The following N4BP2L2 variants were observed in gnomAD, a reference collection of about 807,000 sequenced individuals.
N4BP2L2 encodes the protein NEDD4-binding protein 2-like 2.
Under a neutral mutation model 56.2 loss-of-function variants are expected in N4BP2L2, and 50 were observed. The observed-to-expected ratio is 0.89, with a 90% CI of 0.71 to 1.13. The LOEUF is 1.13. Among genes scored for constraint, N4BP2L2 ranks in the 50% most tolerant of loss-of-function variants. The pLI, the probability that N4BP2L2 is intolerant of heterozygous loss-of-function variation, is 0.00. For missense variants in N4BP2L2, 689 were observed against 693.8 expected, an observed-to-expected ratio of 0.99 and a Z score of 0.08; for synonymous variants, 203 against 223.6, an observed-to-expected ratio of 0.91 and a Z score of 0.82.
chr13:32,499,350 T>C (rs964298949), intron 6 of N4BP2L2, among the ~76,000 whole-genome samples: 5 of 152,242 alleles, frequency 3.3e-5, no homozygotes, highest in African/African-American at 9.6e-5. Context: ...CCCTAGTAAC[T>C]ATGGCTTCCA....
chr13:32,455,296 G>C (rs779316127), intron 6 of N4BP2L2, among the ~76,000 whole-genome samples: 40 of 152,072 alleles, frequency 2.6e-4, no homozygotes, highest in Non-Finnish European at 5.0e-4. Flanking sequence ...TACCACACTG[G>C]GGAGGCTGCC....
At chr13:32,461,469 A>C (rs2080059902) in intron 6 of N4BP2L2, among the ~76,000 whole-genome samples, 1 of 152,234 alleles carries the variant, frequency 6.6e-6, no homozygotes, top group Non-Finnish European at 1.5e-5. Flanking sequence ...TGGGCAAAGG[A>C]TCTAAATAGA....
chr13:32,526,827 T>TTTTTTTTTTTTTC (rs2053062317), intron 3 of N4BP2L2: 1 of 138,410 alleles, frequency 7.2e-6, no homozygotes, highest in Non-Finnish European at 1.5e-5. Flanking sequence ...TGTTTTTTTT[T>TTTTTTTTTTTTTC]TTTTTTTTTT....
At chr13:32,532,551 T>C (rs1352898459) in intron 2 of N4BP2L2, among the ~76,000 whole-genome samples, 2 of 151,902 alleles carry the variant, frequency 1.3e-5, no homozygotes, top group Non-Finnish European at 2.9e-5. Flanking sequence ...TAAATTCTTT[T>C]ATATGTAGGT....
At chr13:32,526,313 T>C (rs2052750293) in intron 3 of N4BP2L2, among the ~76,000 whole-genome samples, 1 of 152,168 alleles carries the variant, frequency 6.6e-6, no homozygotes, top group African/African-American at 2.4e-5. Context: ...AAAATAACTG[T>C]GAAGAGATTT....
In N4BP2L2 at chr13:32,446,408, T is replaced by C. The variant is rs367636534; in HGVS notation, c.366-2282A>G. ...GCAGTCCAAGGTGCAATGTCAGTTA[T>C]GAAATTCATCCTGCAGACTAGTATG... On this transcript the variant is annotated intron_variant, in intron 6 of 9. Transcript: ENST00000357505. The C allele has an allele frequency of 3.2e-5, 43 of 1,363,934 alleles. No individual in the cohort carries two copies. In the African/African-American group the frequency reaches 6.2e-4, roughly 20 times the overall value. The allele number at this position is 1,363,934 out of a possible 1,614,324, so 84.5% of individuals were successfully genotyped here. A position where few individuals can be genotyped will look rare whatever the true frequency, so the allele number is the denominator to read the frequency against.
intron 3 of N4BP2L2, chr13:32,524,724 T>C (rs1279155627): frequency 6.6e-6 from 1 of 152,146 alleles, no homozygotes; most frequent in Non-Finnish European, 1.5e-5. Context: ...ATAATTCAAA[T>C]GACATAAACA....
rs35773755 is a variant in N4BP2L2, at chr13:32,503,172, C to CAAAAAAAAA, written c.365+14676_365+14684dup. Among the ~76,000 whole-genome samples, 18 of 57,988 alleles carry CAAAAAAAAA rather than the reference C, an allele frequency of 3.1e-4. 1 individual carries two copies. Among genetic ancestry groups the CAAAAAAAAA allele is most frequent in the African/African-American group, 9.2e-4 (15 of 16,344 alleles). The allele number at this position is 57,988 out of a possible 152,430, so 38.0% of individuals were successfully genotyped here. A position where few individuals can be genotyped will look rare whatever the true frequency, so the allele number is the denominator to read the frequency against. On this transcript the variant is annotated intron_variant, in intron 6 of 9. Transcript: ENST00000357505. Reference sequence around the variant, plus strand: ...TAGGTGACAGAGCAAGACTCTGTAGCAAAAAAAAAAAAAAAAAAAAAAAAA... The same window carrying CAAAAAAAAA: ...TAGGTGACAGAGCAAGACTCTGTAGCAAAAAAAAAAAAAAAAAAAAAAAAAAAAAAAAAA...
chr13:32,495,991 T>C (rs1335782250), intron 6 of N4BP2L2, among the ~76,000 whole-genome samples: 5 of 152,124 alleles, frequency 3.3e-5, no homozygotes, highest in Non-Finnish European at 7.4e-5. Context: ...CCGGTGCCTT[T>C]TGACTCCGAG....
intron 2 of N4BP2L2, 149 bp from the exon 3 acceptor site, chr13:32,527,681 G>C (rs550522946): frequency 3.8e-6 from 3 of 793,366 alleles, no homozygotes; most frequent in Non-Finnish European, 5.9e-6. Context: ...AGTATATCAC[G>C]AACAGACCAG....
intron 8 of N4BP2L2, among the ~76,000 whole-genome samples, chr13:32,437,385 G>T (rs1453629632): frequency 6.6e-6 from 1 of 152,168 alleles, no homozygotes; most frequent in Non-Finnish European, 1.5e-5. Flanking sequence ...CTACTGTCCT[G>T]AACTATTAGT....
rs1258381582 is a variant in N4BP2L2 at position 32,451,049 on chromosome 13, AC to A, written c.366-6924del. ...GATACTTAAAGGGATATTTGCATAAACATTCACATTAAAAAGGAAAGACACA... is the reference window on the plus strand; with the variant it reads ...GATACTTAAAGGGATATTTGCATAAAATTCACATTAAAAAGGAAAGACACA... On this transcript the variant is annotated intron_variant, in intron 6 of 9. Transcript: ENST00000357505. Among the ~76,000 whole-genome samples the A allele has an allele frequency of 1.1e-4, 17 of 152,012 alleles. No homozygotes were observed. The East Asian group carries it at 3.3e-3, about 29-fold the overall frequency.
exon 3 of N4BP2L2, chr13:32,527,472 A>T (rs778212954): frequency 3.7e-6 from 6 of 1,613,812 alleles, no homozygotes; most frequent in Non-Finnish European, 5.1e-6. Context: ...ACCCATCTTG[A>T]TGGTGAAAAT....
At chr13:32,475,352 GAAGA>G (rs1474630783) in intron 6 of N4BP2L2, among the ~76,000 whole-genome samples, 1 of 152,134 alleles carries the variant, frequency 6.6e-6, no homozygotes, top group African/African-American at 2.4e-5. Context: ...AATAGAAAAA[GAAGA>G]GAGAGAGAAA....
At chr13:32,512,027 C>T (rs2048253415) in exon 6 of N4BP2L2, 1 of 151,980 alleles carries the variant, frequency 6.6e-6, no homozygotes, top group African/African-American at 2.4e-5. Context: ...TGAAAATTAA[C>T]ACCAAGAATA....
intron 6 of N4BP2L2, among the ~76,000 whole-genome samples, chr13:32,498,070 C>G (rs2089167320): frequency 6.6e-6 from 1 of 152,154 alleles, no homozygotes; most frequent in South Asian, 2.1e-4. Context: ...ATTTCAACCT[C>G]CACCTCCTGG....
intron 9 of N4BP2L2, among the ~76,000 whole-genome samples, chr13:32,434,793 C>T (rs1203240805): frequency 6.6e-6 from 1 of 152,116 alleles, no homozygotes; most frequent in Non-Finnish European, 1.5e-5. Context: ...AAAATCTGCA[C>T]ATAGCTATAG....
rs539514677 is a variant in N4BP2L2, at chr13:32,522,047, T to A, written c.1473+135A>T. The A allele has an allele frequency of 2.7e-5, 17 of 627,166 alleles. 1 individual carries two copies. In the South Asian group the frequency reaches 2.9e-4, roughly 11 times the overall value. 38.9% of individuals were successfully genotyped at this position (627,166 alleles called of 1,614,324 possible). On this transcript the variant is annotated intron_variant, in intron 4 of 5. Transcript: ENST00000267068. The stretch of plus-strand genomic sequence containing the variant: ...CATCATTCACAATTTTTTTAAAAAC[T>A]AAGCAAACCAACAAACCTCTTTAGA...
intron 3 of N4BP2L2, 27 bp downstream of exon 3, chr13:32,527,381 T>C: frequency 6.2e-7 from 1 of 1,610,526 alleles, no homozygotes; most frequent in South Asian, 1.1e-5. Flanking sequence ...AAATATTCTA[T>C]CCTGGGACAC....
Sources: gnomAD v4.1 joint callset for allele counts (sites outside exome capture counted in the v4.1 genomes callset) on GRCh38, gnomAD v4.1.1 for gene constraint, MANE v1.5 for transcripts, NCBI Gene and HGNC (gene_info 2026-07-23, HGNC 2026-07-21) for gene names.